AGBL1: variants seen among roughly 807,000 people sequenced by gnomAD.
The protein encoded by AGBL1 is cytosolic carboxypeptidase 4.
In AGBL1, 130 loss-of-function variants were observed where a neutral mutation model predicts 118.9. The observed-to-expected ratio is 1.09, with a 90% CI of 0.95 to 1.26. The LOEUF (loss-of-function observed/expected upper bound fraction) is 1.26. Among genes scored for constraint, AGBL1 ranks in the 50% most tolerant of loss-of-function variants. The pLI, the probability that AGBL1 is intolerant of heterozygous loss-of-function variation, is 0.00. For missense variants in AGBL1, 1,584 were observed against 1,298.1 expected, an observed-to-expected ratio of 1.22 and a Z score of -3.38; for synonymous variants, 555 against 478.9, an observed-to-expected ratio of 1.16 and a Z score of -2.08.
chr15:86,330,098 G>C (rs566908732), intron 17 of AGBL1, among the ~76,000 whole-genome samples: 1 of 152,200 alleles, frequency 6.6e-6, no homozygotes, highest in Admixed American at 6.5e-5. Flanking sequence ...TAGGTGAGCT[G>C]GCTCAGCCTG....
At chr15:86,734,648 T>C (rs1456826047) in intron 22 of AGBL1, among the ~76,000 whole-genome samples, 1 of 152,050 alleles carries the variant, frequency 6.6e-6, no homozygotes, top group East Asian at 1.9e-4. Context: ...TCACTGGTGG[T>C]TCCTATACTT....
At chr15:86,825,874 A>G (rs191983947) in intron 22 of AGBL1, among the ~76,000 whole-genome samples, 1 of 146,506 alleles carries the variant, frequency 6.8e-6, no homozygotes, top group Non-Finnish European at 1.5e-5. Context: ...AATGTGACAG[A>G]TGATAGATGG....
intron 18 of AGBL1, among the ~76,000 whole-genome samples, chr15:86,470,142 T>C (rs907015881): frequency 1.3e-5 from 2 of 152,202 alleles, no homozygotes; most frequent in Non-Finnish European, 2.9e-5. Flanking sequence ...CCAAGCATCA[T>C]GGTCCAGACT....
chr15:86,509,413 T>C (rs1365332366), intron 18 of AGBL1, among the ~76,000 whole-genome samples: 1 of 152,074 alleles, frequency 6.6e-6, no homozygotes, highest in Non-Finnish European at 1.5e-5. Flanking sequence ...TGGGTTTGTG[T>C]TGGGCAGTAA....
At chr15:86,598,235 G>A (rs1021162399) in intron 21 of AGBL1, among the ~76,000 whole-genome samples, 1 of 152,036 alleles carries the variant, frequency 6.6e-6, no homozygotes, top group Non-Finnish European at 1.5e-5. Context: ...ATATAATAAG[G>A]GAGCAGCTGT....
chr15:86,367,382 C>T (rs1156239744), intron 17 of AGBL1, among the ~76,000 whole-genome samples: 1 of 152,110 alleles, frequency 6.6e-6, no homozygotes, highest in East Asian at 1.9e-4. Flanking sequence ...TTGCATGAAG[C>T]ATCTTTCCTA....
intron 22 of AGBL1, among the ~76,000 whole-genome samples, chr15:86,733,412 C>T (rs1200405167): frequency 2.0e-5 from 3 of 152,250 alleles, no homozygotes; most frequent in South Asian, 4.1e-4. Flanking sequence ...CATTCAAATG[C>T]TGTTCTCATC....
At chr15:86,403,718 G>A (rs1368832436) in intron 18 of AGBL1, among the ~76,000 whole-genome samples, 1 of 152,154 alleles carries the variant, frequency 6.6e-6, no homozygotes, top group East Asian at 1.9e-4. Context: ...GAGCACACAG[G>A]CGTTCAGTTT....
intron 18 of AGBL1, among the ~76,000 whole-genome samples, chr15:86,484,294 A>C (rs1322725764): frequency 6.6e-6 from 1 of 152,072 alleles, no homozygotes; most frequent in Non-Finnish European, 1.5e-5. Context: ...GGTTTTGTAC[A>C]CTTTGGAGGG....
intron 22 of AGBL1, among the ~76,000 whole-genome samples, chr15:86,735,270 G>C (rs1380973280): frequency 1.3e-5 from 2 of 151,890 alleles, no homozygotes; most frequent in Non-Finnish European, 2.9e-5. Flanking sequence ...TAGTAGAAAT[G>C]GGGTTTCACC....
At chr15:86,252,664 T>C (rs1406529846) in intron 7 of AGBL1, among the ~76,000 whole-genome samples, 4 of 152,126 alleles carry the variant, frequency 2.6e-5, no homozygotes, top group Admixed American at 2.0e-4. Flanking sequence ...TGAATGAGGC[T>C]AGGAGAGCGT....
chr15:86,715,061 G>C (rs1454106118), intron 22 of AGBL1, among the ~76,000 whole-genome samples: 1 of 152,060 alleles, frequency 6.6e-6, no homozygotes, highest in East Asian at 1.9e-4. Flanking sequence ...CAGCACTTTT[G>C]CTGGCCCAGA....
At chr15:86,462,369 G>T (rs758998231) in intron 18 of AGBL1, among the ~76,000 whole-genome samples, 2 of 152,000 alleles carry the variant, frequency 1.3e-5, no homozygotes, top group East Asian at 1.9e-4. Context: ...TAAGTTGTTC[G>T]CTGACTCCTG....
chr15:86,179,225 G>T (rs1213087011), intron 5 of AGBL1, among the ~76,000 whole-genome samples: 1 of 152,224 alleles, frequency 6.6e-6, no homozygotes, highest in Non-Finnish European at 1.5e-5. Flanking sequence ...GAACAATATA[G>T]AAAGGCCATT....
chr15:86,585,908 T>C (rs1469087441), intron 21 of AGBL1, among the ~76,000 whole-genome samples: 2 of 152,184 alleles, frequency 1.3e-5, no homozygotes, highest in Non-Finnish European at 2.9e-5. Flanking sequence ...CTAGACAGAC[T>C]GTGAGGATGA....
intron 18 of AGBL1, 147 bp downstream of exon 18, chr15:86,397,693 A>T: frequency 2.8e-6 from 2 of 713,304 alleles, no homozygotes; most frequent in Non-Finnish European, 4.6e-6. Context: ...AAATAACAAC[A>T]TACTTTCCAT....
chr15:86,528,568 C>A (rs998489339), intron 19 of AGBL1, among the ~76,000 whole-genome samples: 2 of 142,194 alleles, frequency 1.4e-5, no homozygotes, highest in African/African-American at 2.7e-5. Context: ...CTTAGGTAAA[C>A]AAAGCAGCCG....
chr15:86,458,075 C>T (rs1280532407), intron 18 of AGBL1, among the ~76,000 whole-genome samples: 1 of 151,866 alleles, frequency 6.6e-6, no homozygotes, highest in Non-Finnish European at 1.5e-5. Context: ...CCGTATATTG[C>T]CACTTGAAAA....
intron 22 of AGBL1, among the ~76,000 whole-genome samples, chr15:86,725,582 G>C (rs1404344226): frequency 1.3e-5 from 2 of 152,198 alleles, no homozygotes; most frequent in African/African-American, 4.8e-5. Flanking sequence ...GCGTGAATCT[G>C]CCTGTGTGCA....
Sources: gnomAD v4.1 joint callset for allele counts (sites outside exome capture counted in the v4.1 genomes callset) on GRCh38, gnomAD v4.1.1 for gene constraint, MANE v1.5 for transcripts, NCBI Gene and HGNC (gene_info 2026-07-23, HGNC 2026-07-21) for gene names.